SLC35F1: variants seen among roughly 807,000 people sequenced by gnomAD.
SLC35F1 encodes solute carrier family 35 member F1.
SLC35F1 carries 14 observed loss-of-function variants against 48.7 expected under a neutral mutation model. The ratio of observed to expected loss-of-function variants is 0.29; its 90% CI spans 0.19 to 0.45. The LOEUF is 0.45. Ranked by LOEUF, SLC35F1 falls within the 20% of genes least tolerant of loss-of-function variation. The pLI, the probability that SLC35F1 is intolerant of heterozygous loss-of-function variation, is 1.00. For missense variants in SLC35F1, 404 were observed against 500.0 expected (o/e 0.81, Z 1.83); for synonymous variants, 190 against 202.2 (o/e 0.94, Z 0.51).
chr6:117,984,790 T>A (rs1389252910), intron 1 of SLC35F1, among the ~76,000 whole-genome samples: 4 of 152,230 alleles, frequency 2.6e-5, no homozygotes, highest in Non-Finnish European at 5.9e-5. Context: ...GCATTTATTG[T>A]TCTCTTTCTA....
At chr6:118,240,328 AT>A (rs1775420851) in intron 3 of SLC35F1, among the ~76,000 whole-genome samples, 1 of 152,244 alleles carries the variant, frequency 6.6e-6, no homozygotes, top group South Asian at 2.1e-4. Context: ...ATGAGGTTGG[AT>A]AAAAAGTGGA....
chr6:117,965,052 G>C (rs562392827), intron 1 of SLC35F1, among the ~76,000 whole-genome samples: 5 of 152,258 alleles, frequency 3.3e-5, no homozygotes, highest in African/African-American at 1.2e-4. Flanking sequence ...GACCAGATCT[G>C]GTCATCTGAT....
At chr6:118,175,209 G>C (rs947563605) in intron 2 of SLC35F1, among the ~76,000 whole-genome samples, 1 of 151,992 alleles carries the variant, frequency 6.6e-6, no homozygotes, top group Admixed American at 6.6e-5. Flanking sequence ...TAAAATTAAA[G>C]TAAAGTCAAA....
At chr6:117,969,003 G>A (rs774579435) in intron 1 of SLC35F1, among the ~76,000 whole-genome samples, 1 of 151,992 alleles carries the variant, frequency 6.6e-6, no homozygotes, top group Non-Finnish European at 1.5e-5. Flanking sequence ...CTTTTATATG[G>A]GTAGCTTATA....
At chr6:117,978,793 A>G (rs993692308) in intron 1 of SLC35F1, among the ~76,000 whole-genome samples, 1 of 152,234 alleles carries the variant, frequency 6.6e-6, no homozygotes, top group Admixed American at 6.5e-5. Flanking sequence ...TCAGATACAC[A>G]AAGAATAATA....
chr6:118,146,414 C>T (rs921680141), intron 1 of SLC35F1, among the ~76,000 whole-genome samples: 2 of 152,092 alleles, frequency 1.3e-5, no homozygotes, highest in Admixed American at 1.3e-4. Flanking sequence ...ACTGACCAGC[C>T]AAGTGATTCC....
chr6:118,293,260 G>A (rs1776146429), intron 7 of SLC35F1, among the ~76,000 whole-genome samples: 1 of 152,122 alleles, frequency 6.6e-6, no homozygotes, highest in African/African-American at 2.4e-5. Context: ...GAGCCTACTT[G>A]GGCTAAAATC....
intron 1 of SLC35F1, among the ~76,000 whole-genome samples, chr6:118,119,193 A>C (rs1287176407): frequency 2.0e-5 from 3 of 152,118 alleles, no homozygotes; most frequent in Admixed American, 2.0e-4. Flanking sequence ...CTTTTTAAAA[A>C]TTTAAAATAG....
chr6:118,048,883 C>T (rs1772340698), intron 1 of SLC35F1, among the ~76,000 whole-genome samples: 1 of 151,922 alleles, frequency 6.6e-6, no homozygotes, highest in South Asian at 2.1e-4. Context: ...CATATGGAAC[C>T]AAAAAAGAGC....
intron 1 of SLC35F1, among the ~76,000 whole-genome samples, chr6:118,082,029 T>G (rs1481163500): frequency 6.6e-6 from 1 of 152,224 alleles, no homozygotes; most frequent in Non-Finnish European, 1.5e-5. Flanking sequence ...ATCAGCTTAA[T>G]CCATTTTCTT....
At chr6:118,098,013 A>G (rs1374762809) in intron 1 of SLC35F1, among the ~76,000 whole-genome samples, 1 of 152,218 alleles carries the variant, frequency 6.6e-6, no homozygotes, top group Non-Finnish European at 1.5e-5. Context: ...GAAAATTCAC[A>G]ACAATACTAT....
At chr6:117,923,342 T>G (rs1775926921) in intron 1 of SLC35F1, among the ~76,000 whole-genome samples, 1 of 151,890 alleles carries the variant, frequency 6.6e-6, no homozygotes, top group Non-Finnish European at 1.5e-5. Context: ...GTTTAGAAAT[T>G]AAACGTCTTG....
At chr6:118,018,691 G>A (rs1777354511) in intron 1 of SLC35F1, among the ~76,000 whole-genome samples, 1 of 152,174 alleles carries the variant, frequency 6.6e-6, no homozygotes, top group South Asian at 2.1e-4. Context: ...ACAATAATAT[G>A]TAGGAAAATC....
intron 2 of SLC35F1, among the ~76,000 whole-genome samples, chr6:118,232,327 G>A (rs184981028): frequency 2.8e-4 from 43 of 152,128 alleles, no homozygotes; most frequent in Non-Finnish European, 4.6e-4. Context: ...TGAGGCAGGC[G>A]GATCACAAGG....
At chr6:118,163,673 C>T (rs925930098) in intron 2 of SLC35F1, among the ~76,000 whole-genome samples, 4 of 152,184 alleles carry the variant, frequency 2.6e-5, no homozygotes, top group African/African-American at 9.7e-5. Context: ...CACGCAGCTC[C>T]ATCTTTCATG....
intron 1 of SLC35F1, among the ~76,000 whole-genome samples, chr6:117,940,847 C>T (rs574591111): frequency 6.6e-6 from 1 of 152,202 alleles, no homozygotes; most frequent in Admixed American, 6.5e-5. Flanking sequence ...TGGAGTTTTG[C>T]CATGTTGCCA....
intron 1 of SLC35F1, among the ~76,000 whole-genome samples, chr6:118,047,128 A>G (rs1004220828): frequency 2.6e-5 from 4 of 152,184 alleles, no homozygotes; most frequent in Admixed American, 6.6e-5. Context: ...GAAGCTATGG[A>G]TAAAAGAAAA....
intron 1 of SLC35F1, chr6:117,999,079 G>A (rs1311441044): frequency 1.4e-5 from 22 of 1,531,174 alleles, no homozygotes; most frequent in Admixed American, 3.3e-5. Context: ...TTAAGGGGGT[G>A]GACCCCAAGT....
At chr6:118,011,262 T>C (rs1370510832) in intron 1 of SLC35F1, among the ~76,000 whole-genome samples, 1 of 151,996 alleles carries the variant, frequency 6.6e-6, no homozygotes, top group Non-Finnish European at 1.5e-5. Context: ...ATAAAGAAAA[T>C]AGGTTTAATT....
Sources: gnomAD v4.1 joint callset for allele counts (sites outside exome capture counted in the v4.1 genomes callset) on GRCh38, gnomAD v4.1.1 for gene constraint, MANE v1.5 for transcripts, NCBI Gene and HGNC (gene_info 2026-07-23, HGNC 2026-07-21) for gene names.